MACROD2: variants seen among roughly 807,000 people sequenced by gnomAD.
MACROD2 encodes the protein ADP-ribose glycohydrolase MACROD2.
MACROD2 carries 36 observed loss-of-function variants against 70.4 expected under a neutral mutation model. That is an observed-to-expected ratio of 0.51 (90% CI 0.39 to 0.68). The LOEUF is 0.68. MACROD2 is among the 30% of genes least tolerant of loss of function. MACROD2 has a pLI of 0.00. For missense variants in MACROD2, 496 were observed against 538.4 expected, an observed-to-expected ratio of 0.92 and a Z score of 0.78; for synonymous variants, 172 against 178.8, an observed-to-expected ratio of 0.96 and a Z score of 0.30.
intron 8 of MACROD2, among the ~76,000 whole-genome samples, chr20:15,761,911 C>T (rs139527323): frequency 1.3e-5 from 2 of 152,332 alleles, no homozygotes; most frequent in Admixed American, 1.3e-4. Context: ...CCTATTTACA[C>T]ACAGTGTTTC....
intron 8 of MACROD2, among the ~76,000 whole-genome samples, chr20:15,593,475 A>G (rs2048705657): frequency 6.6e-6 from 1 of 152,226 alleles, no homozygotes; most frequent in Admixed American, 6.5e-5. Flanking sequence ...CTAATTGTAA[A>G]CTACCCTCAT....
At chr20:14,894,225 T>G (rs1170850529) in intron 5 of MACROD2, 1 of 151,624 alleles carries the variant, frequency 6.6e-6, no homozygotes, top group Non-Finnish European at 1.5e-5. Context: ...TACCCCTACT[T>G]TTTTTTTGTT....
At chr20:15,865,911 C>T (rs1018226812) in intron 9 of MACROD2, among the ~76,000 whole-genome samples, 2 of 152,148 alleles carry the variant, frequency 1.3e-5, no homozygotes, top group African/African-American at 2.4e-5. Context: ...TTAAAGAAAA[C>T]ACTCAGGAAG....
intron 3 of MACROD2, among the ~76,000 whole-genome samples, chr20:14,426,333 C>CT (rs1487193886): frequency 2.6e-5 from 4 of 151,766 alleles, no homozygotes; most frequent in Admixed American, 2.0e-4. Flanking sequence ...AAATATTCCT[C>CT]TTTTTTTCCT....
chr20:14,629,782 T>A (rs2123470627), intron 4 of MACROD2, among the ~76,000 whole-genome samples: 1 of 152,306 alleles, frequency 6.6e-6, no homozygotes, highest in Non-Finnish European at 1.5e-5. Flanking sequence ...GCCAAGCCTT[T>A]TTTCTTTTTA....
chr20:14,576,485 A>G (rs1035584277), intron 4 of MACROD2, among the ~76,000 whole-genome samples: 1 of 152,204 alleles, frequency 6.6e-6, no homozygotes, highest in East Asian at 1.9e-4. Context: ...TGTAACTGCC[A>G]CTTTCAATAT....
At chr20:15,780,004 TG>T (rs1600880233) in intron 8 of MACROD2, among the ~76,000 whole-genome samples, 1 of 152,032 alleles carries the variant, frequency 6.6e-6, no homozygotes, top group Admixed American at 6.6e-5. Flanking sequence ...TTAGAGGAGT[TG>T]CTCCATTACA....
chr20:14,590,795 C>T (rs1981718146), intron 4 of MACROD2, among the ~76,000 whole-genome samples: 1 of 152,082 alleles, frequency 6.6e-6, no homozygotes, highest in Admixed American at 6.6e-5. Flanking sequence ...GTAATACTGT[C>T]AGGTCATTTC....
intron 8 of MACROD2, among the ~76,000 whole-genome samples, chr20:15,610,835 G>C (rs180690674): frequency 2.0e-5 from 3 of 152,242 alleles, no homozygotes; most frequent in Non-Finnish European, 2.9e-5. Flanking sequence ...CACTGGACCA[G>C]TAAAAATAAT....
chr20:14,046,715 TTTTATTTA>T lies in MACROD2; in HGVS notation c.164-38871_164-38864del, dbSNP rs57310891. On this transcript the variant is annotated intron_variant, in intron 2 of 17. Coordinates refer to ENST00000684519, the MANE Select transcript of MACROD2 (RefSeq NM_001351661.2). The stretch of plus-strand genomic sequence containing the variant: ...TTCCCCTTTACTCCCAAGCATTCTC[TTTTATTTA>T]TTTATTTATTTATTTATTTATTTAT... Among the ~76,000 whole-genome samples the T allele has an allele frequency of 9.0e-3, 1,315 of 145,882 alleles. 13 individuals carry two copies. The highest frequency in any genetic ancestry group is 0.024 in the African/African-American group (970 of 39,884).
At chr20:14,851,578 A>G (rs374167068) in intron 5 of MACROD2, among the ~76,000 whole-genome samples, 2 of 152,310 alleles carry the variant, frequency 1.3e-5, no homozygotes, top group East Asian at 3.9e-4. Flanking sequence ...TGTGAAACAC[A>G]ATACTGTCTT....
intron 5 of MACROD2, among the ~76,000 whole-genome samples, chr20:14,861,168 T>A (rs1381294729): frequency 6.6e-6 from 1 of 152,082 alleles, no homozygotes; most frequent in Admixed American, 6.6e-5. Context: ...TGACACAAGA[T>A]GTTGAGCCAC....
At chr20:14,286,623 C>T (rs570022677) in intron 3 of MACROD2, among the ~76,000 whole-genome samples, 2 of 152,020 alleles carry the variant, frequency 1.3e-5, no homozygotes, top group South Asian at 4.2e-4. Flanking sequence ...TTTTGTTTTT[C>T]TGCCTCACTC....
At chr20:15,765,430 C>G (rs556467695) in intron 8 of MACROD2, among the ~76,000 whole-genome samples, 1 of 152,188 alleles carries the variant, frequency 6.6e-6, no homozygotes, top group South Asian at 2.1e-4. Context: ...CCCTATTTAC[C>G]AATAAAGTGT....
chr20:14,043,347 A>T (rs2053421602), intron 2 of MACROD2, among the ~76,000 whole-genome samples: 1 of 152,222 alleles, frequency 6.6e-6, no homozygotes, highest in South Asian at 2.1e-4. Flanking sequence ...TTACCAGTTT[A>T]TTATAAAGGA....
intron 8 of MACROD2, among the ~76,000 whole-genome samples, chr20:15,576,634 A>T (rs1197655875): frequency 6.6e-6 from 1 of 151,148 alleles, no homozygotes; most frequent in African/African-American, 2.4e-5. Context: ...GCTCACTCTG[A>T]ATCTTCCACT....
At chr20:14,313,057 T>C (rs534277029) in intron 3 of MACROD2, among the ~76,000 whole-genome samples, 1 of 152,360 alleles carries the variant, frequency 6.6e-6, no homozygotes, top group South Asian at 2.1e-4. Context: ...TAAGACACTT[T>C]GGTGTGTACA....
chr20:14,973,421 C>T (rs1325254794), intron 5 of MACROD2, among the ~76,000 whole-genome samples: 1 of 151,948 alleles, frequency 6.6e-6, no homozygotes, highest in Non-Finnish European at 1.5e-5. Flanking sequence ...CGAGATTTCA[C>T]CATGTTGGCC....
chr20:15,219,924 G>T (rs867518687), intron 5 of MACROD2, among the ~76,000 whole-genome samples: 1 of 141,130 alleles, frequency 7.1e-6, no homozygotes, highest in Non-Finnish European at 1.5e-5. Flanking sequence ...GAAATGACAG[G>T]TTTAGAGAAT....
Sources: gnomAD v4.1 joint callset for allele counts (sites outside exome capture counted in the v4.1 genomes callset) on GRCh38, gnomAD v4.1.1 for gene constraint, MANE v1.5 for transcripts, NCBI Gene and HGNC (gene_info 2026-07-23, HGNC 2026-07-21) for gene names.